OR10G3: variants seen among roughly 807,000 people sequenced by gnomAD.
The protein encoded by OR10G3 is olfactory receptor family 10 subfamily G member 3, also known as olfactory receptor 10G3.
OR10G3 carries 8 observed loss-of-function variants against 13.4 expected under a neutral mutation model. That is an observed-to-expected ratio of 0.60 (90% CI 0.35 to 1.08). The LOEUF is 1.08. Ranked by LOEUF, OR10G3 falls within the 50% of genes least tolerant of loss-of-function variation. The pLI is 0.02. For synonymous variants in OR10G3, 142 were observed against 156.1 expected, an observed-to-expected ratio of 0.91 and a Z score of 0.67; for missense variants, 393 against 386.6, an observed-to-expected ratio of 1.02 and a Z score of -0.14.
chr14:21,572,364 C>T (rs1349917362), intron 1 of OR10G3, among the ~76,000 whole-genome samples: 16 of 135,962 alleles, frequency 1.2e-4, no homozygotes, highest in South Asian at 2.4e-4. Context: ...TTTGGGAAGC[C>T]GAGGCAGATG....
chr14:21,575,895 T>C (rs1203914962), intron 1 of OR10G3, among the ~76,000 whole-genome samples: 1 of 152,238 alleles, frequency 6.6e-6, no homozygotes, highest in African/African-American at 2.4e-5. Flanking sequence ...CAGCGATGGC[T>C]GAACTTCAAA....
At chr14:21,571,031 T>TAA in intron 1 of OR10G3, among the ~76,000 whole-genome samples, 1 of 152,326 alleles carries the variant, frequency 6.6e-6, no homozygotes, top group East Asian at 1.9e-4. Flanking sequence ...TTGCAAAACA[T>TAA]AAACTATTTA....
In OR10G3 at chr14:21,570,791, T is replaced by C. The variant is rs775758620; in HGVS notation, c.-17-30A>G. The C allele has an allele frequency of 7.7e-6, 10 of 1,304,878 alleles. No individual in the cohort carries two copies. The Admixed American group carries it at 1.1e-4, about 14-fold the overall frequency. The allele number at this position is 1,304,878 out of a possible 1,614,324, so 80.8% of individuals were successfully genotyped here. On this transcript the variant is annotated intron_variant, in intron 1 of 1. Coordinates refer to ENST00000641040, the MANE Select transcript of OR10G3 (RefSeq NM_001005465.2). ...AGAATGGACAAAACAAGAATTAACA[T>C]AGAGGTGAGAGGAAAGTGAGGGGGA...
intron 1 of OR10G3, among the ~76,000 whole-genome samples, chr14:21,576,078 T>C (rs561328278): frequency 6.6e-6 from 1 of 152,228 alleles, no homozygotes; most frequent in East Asian, 1.9e-4. Context: ...GCTGCTCTGG[T>C]CTGTGTGTCG....
In OR10G3 at chr14:21,579,228, ATTTTTTAAT is replaced by A. The variant is rs1339200293; in HGVS notation, c.-18+549_-18+557del. Among the ~76,000 whole-genome samples the A allele has an allele frequency of 5.0e-4, 70 of 138,866 alleles. No individual in the cohort carries two copies. The East Asian group carries it at 0.012, about 23-fold the overall frequency. The allele number at this position is 138,866 out of a possible 152,430, so 91.1% of individuals were successfully genotyped here. ...ATCCAATATTAGCCACTATTTTTTA[ATTTTTTAAT>A]TTTTTTAATTTTAATTTTTATTTTT... is the stretch of plus-strand genomic sequence containing the variant. On this transcript the variant is annotated intron_variant, in intron 1 of 1. Coordinates refer to ENST00000641040, the MANE Select transcript of OR10G3 (RefSeq NM_001005465.2).
intron 1 of OR10G3, among the ~76,000 whole-genome samples, chr14:21,575,699 A>C (rs987220998): frequency 6.6e-6 from 1 of 152,148 alleles, no homozygotes; most frequent in Non-Finnish European, 1.5e-5. Flanking sequence ...TACATTAAAC[A>C]CTTAGCTTTA....
intron 1 of OR10G3, among the ~76,000 whole-genome samples, chr14:21,577,931 G>A (rs1876797276): frequency 1.3e-5 from 2 of 152,064 alleles, no homozygotes; most frequent in South Asian, 2.1e-4. Context: ...GAACCTGGGA[G>A]GCTGAGATTA....
At position 21,569,783 on chromosome 14, in the gene OR10G3, C is replaced by T. The variant is rs1893041440; in HGVS notation, c.*20G>A. 2 of 1,590,924 alleles carry T rather than the reference C, an allele frequency of 1.3e-6. No individual in the cohort carries two copies. The highest frequency in any genetic ancestry group is 1.1e-5 in the South Asian group (1 of 88,866). On this transcript the variant is annotated 3_prime_UTR_variant, in exon 2 of 2. Coordinates refer to ENST00000641040, the MANE Select transcript of OR10G3 (RefSeq NM_001005465.2). ...ATAAATTCTAATTGTGGCAGCTTCC[C>T]TAGTGGGAGAAAGACACTTTCAAAC...
In OR10G3 at chr14:21,570,325, C is replaced by T. The variant is rs751576114; in HGVS notation, c.420G>A (p.Lys140=). 5 of 1,614,090 alleles carry T rather than the reference C, an allele frequency of 3.1e-6. No individual in the cohort carries two copies. The African/African-American group carries it at 5.3e-5, about 17-fold the overall frequency. Residue 140 remains lysine (K), a synonymous_variant, in exon 2 of 2, where the codon AAG becomes AAA. Transcript: ENST00000641040. ...CTCCAGCCACAAGCAAGGCGCTCAG[C>T]TTAGCAGTCATGAGCACAGGGTAGC... ...PLRYPVLMTA[K]LSALLVAGAW...
In OR10G3 at chr14:21,570,238, G is replaced by A. The variant is rs1352234731; in HGVS notation, c.507C>T (p.Tyr169=). The part of the protein sequence containing the change: ...LQAILTFRLP[Y]CGPNQVDYFF... ...AGTAATCCACCTGATTGGGCCCACA[G>A]TAGGGCAGGCGGAAGGTTAGGATGG... is the stretch of plus-strand genomic sequence containing the variant. The change falls in exon 2 of 2, where the codon TAC becomes TAT. Residue 169 remains tyrosine, a synonymous_variant. Coordinates refer to ENST00000641040, the MANE Select transcript of OR10G3 (RefSeq NM_001005465.2). 7.4e-6 allele frequency: 12 copies of A among 1,614,104 alleles called. No individual in the cohort carries two copies. The highest frequency in any genetic ancestry group is 1.0e-5 in the Non-Finnish European group (12 of 1,180,036).
Position 21,570,026 on chromosome 14 carries a change from GA to G in OR10G3, c.718del (p.Ser240GlnfsTer7). On this transcript the variant is annotated frameshift_variant, in exon 2 of 2. Transcript: ENST00000641040. LOFTEE classifies it high-confidence loss of function. ...HTADGRRRAFSTCGAHVTVVT... is the reference protein window; with the variant it reads ...HTADGRRRAFXTCGAHVTVVT... ...CACGGTTACATGGGCTCCACAAGTT[GA>G]AAAAGCCCGGCGCCGCCCATCAGCT... The G allele has an allele frequency of 6.2e-7, 1 of 1,614,186 alleles. No homozygotes were observed. The highest frequency in any genetic ancestry group is 8.5e-7 in the Non-Finnish European group (1 of 1,180,030).
chr14:21,571,430 T>C (rs1350283739), intron 1 of OR10G3, among the ~76,000 whole-genome samples: 2 of 152,228 alleles, frequency 1.3e-5, no homozygotes, highest in Admixed American at 1.3e-4. Flanking sequence ...GTGAGGACTA[T>C]CGCCACTATG....
chr14:21,571,348 C>T (rs961873089), intron 1 of OR10G3, among the ~76,000 whole-genome samples: 1 of 152,164 alleles, frequency 6.6e-6, no homozygotes, highest in Non-Finnish European at 1.5e-5. Context: ...TGATGCTGTA[C>T]AGATCTACTT....
At chr14:21,575,710 A>T (rs1387454612) in intron 1 of OR10G3, among the ~76,000 whole-genome samples, 1 of 152,144 alleles carries the variant, frequency 6.6e-6, no homozygotes, top group African/African-American at 2.4e-5. Flanking sequence ...CTTAGCTTTA[A>T]AACTGCTGTA....
intron 1 of OR10G3, among the ~76,000 whole-genome samples, chr14:21,576,008 G>A (rs1893125395): frequency 6.6e-6 from 1 of 152,162 alleles, no homozygotes; most frequent in Non-Finnish European, 1.5e-5. Context: ...TCCCACACAG[G>A]TTCCTTGGGA....
chr14:21,571,758 T>G (rs1365118808), intron 1 of OR10G3, among the ~76,000 whole-genome samples: 1 of 151,894 alleles, frequency 6.6e-6, no homozygotes, highest in African/African-American at 2.4e-5. Context: ...CACTGAAACC[T>G]CTGCCTCTCA....
In OR10G3 at chr14:21,570,667, G is replaced by C; in HGVS notation, c.78C>G (p.Leu26=). Residue 26 remains leucine (L), a synonymous_variant, in exon 2 of 2, where the codon CTC becomes CTG. Transcript: ENST00000641040. ...AGATTAGAAAAAAGAACACAAAAAA[G>C]AGTGTCCTTAGCCTGAGTGGATACG... ...GIPYPLRLRT[L]FFVFFFLIYI... 1 of 1,610,694 alleles carries C rather than the reference G, an allele frequency of 6.2e-7. No homozygotes were observed. The highest frequency in any genetic ancestry group is 8.5e-7 in the Non-Finnish European group (1 of 1,179,912).
chr14:21,575,305 T>C (rs1391307331), intron 1 of OR10G3, among the ~76,000 whole-genome samples: 1 of 151,590 alleles, frequency 6.6e-6, no homozygotes, highest in African/African-American at 2.4e-5. Context: ...ATGGTCTCGA[T>C]CTCCTGACCT....
rs143629335 is a variant in OR10G3, at chr14:21,575,745, C to G, written c.-18+4041G>C. 5.8e-4 allele frequency among the ~76,000 whole-genome samples: 88 copies of G among 152,192 alleles called. 1 individual carries two copies. Among genetic ancestry groups the G allele is most frequent in the African/African-American group, 2.1e-3 (88 of 41,508 alleles). On this transcript the variant is annotated intron_variant, in intron 1 of 1. Transcript: ENST00000641040. ...ACCCAAGCTCTTTCAGAGCTTAGCT[C>G]TCATCATTTAACCATCTCTGTTATG...
Sources: allele counts gnomAD v4.1 joint callset (sites outside exome capture counted in the v4.1 genomes callset), GRCh38; gene constraint gnomAD v4.1.1; transcripts MANE v1.5; gene names NCBI Gene and HGNC (gene_info 2026-07-23, HGNC 2026-07-21).